AGBL4: variants seen among roughly 807,000 people sequenced by gnomAD.
AGBL4 encodes cytosolic carboxypeptidase 6.
In AGBL4, 58 loss-of-function variants were observed where a neutral mutation model predicts 66.4. The ratio of observed to expected loss-of-function variants is 0.87; its 90% confidence interval spans 0.71 to 1.09. The LOEUF (loss-of-function observed/expected upper bound fraction) is 1.09, where lower values mean the gene tolerates loss of function less well. Among genes scored for constraint, AGBL4 ranks in the 50% least tolerant of loss-of-function variants. The pLI, the probability that AGBL4 is intolerant of heterozygous loss-of-function variation, is 0.00. For missense variants in AGBL4, 579 were observed against 631.0 expected, an observed-to-expected ratio of 0.92 and a Z score of 0.88; for synonymous variants, 234 against 222.9, an observed-to-expected ratio of 1.05 and a Z score of -0.44.
intron 2 of AGBL4, among the ~76,000 whole-genome samples, chr1:49,707,581 T>C (rs146673534): frequency 1.0e-3 from 155 of 152,238 alleles, no homozygotes; most frequent in Non-Finnish European, 1.5e-3. Context: ...ATATGTGATT[T>C]TGATCTTGTC....
At chr1:48,935,142 CT>C (rs1214219035) in intron 5 of AGBL4, among the ~76,000 whole-genome samples, 1 of 152,202 alleles carries the variant, frequency 6.6e-6, no homozygotes, top group Non-Finnish European at 1.5e-5. Flanking sequence ...TTCAAATCCA[CT>C]TTCCACTTAA....
chr1:49,866,913 G>A (rs1373829620), intron 1 of AGBL4, among the ~76,000 whole-genome samples: 1 of 151,940 alleles, frequency 6.6e-6, no homozygotes, highest in African/African-American at 2.4e-5. Context: ...CTTGGCGTGG[G>A]TCTCTGTGTG....
At chr1:49,607,845 T>C (rs1645087300) in intron 3 of AGBL4, among the ~76,000 whole-genome samples, 2 of 152,124 alleles carry the variant, frequency 1.3e-5, no homozygotes, top group Admixed American at 1.3e-4. Context: ...CCTTGGAACT[T>C]TGGGAATGTA....
intron 6 of AGBL4, among the ~76,000 whole-genome samples, chr1:48,728,708 C>T (rs1224281588): frequency 2.0e-5 from 3 of 152,180 alleles, no homozygotes; most frequent in African/African-American, 4.8e-5. Context: ...TCAGCCTAGG[C>T]GTGGACTTGC....
chr1:48,653,293 A>G, intron 8 of AGBL4, 44 bp downstream of exon 8: 1 of 1,435,524 alleles, frequency 7.0e-7, no homozygotes, highest in Non-Finnish European at 9.5e-7. Flanking sequence ...CCATACTACC[A>G]TCCTATAAGT....
At chr1:48,589,226 T>A (rs1424009907) in intron 10 of AGBL4, among the ~76,000 whole-genome samples, 1 of 152,156 alleles carries the variant, frequency 6.6e-6, no homozygotes, top group Non-Finnish European at 1.5e-5. Context: ...TGAATACTCA[T>A]CTTTTCTGGG....
chr1:49,845,966 A>C (rs1646131093), intron 2 of AGBL4: 1 of 1,566,924 alleles, frequency 6.4e-7, no homozygotes, highest in Middle Eastern at 1.7e-4. Context: ...GTCCCTCACC[A>C]AACATCAGCG....
intron 4 of AGBL4, among the ~76,000 whole-genome samples, chr1:49,170,935 A>G (rs1186421210): frequency 6.6e-6 from 1 of 152,182 alleles, no homozygotes; most frequent in African/African-American, 2.4e-5. Flanking sequence ...GCATTCTAAT[A>G]GCACCGAAGC....
Position 48,913,162 on chromosome 1 carries a change from A to G in AGBL4, c.595-45932T>C, listed in dbSNP as rs187149496. ...TGCAAGACCTTGGAAGCCACGTTAA[A>G]AAGAATATGGGAAGTCACCAGAGGG... is the stretch of plus-strand genomic sequence containing the variant. On this transcript the variant is annotated intron_variant, in intron 5 of 13. Coordinates refer to ENST00000371839, the MANE Select transcript of AGBL4 (RefSeq NM_032785.4). Among the ~76,000 whole-genome samples, 27 of 152,356 alleles carry G rather than the reference A, an allele frequency of 1.8e-4. No homozygotes were observed. In the East Asian group the frequency reaches 4.2e-3, roughly 24 times the overall value.
intron 4 of AGBL4, among the ~76,000 whole-genome samples, chr1:49,116,021 A>T (rs772697158): frequency 5.9e-5 from 9 of 152,300 alleles, no homozygotes; most frequent in South Asian, 2.1e-4. Flanking sequence ...ATTAAGAGAA[A>T]TTGGATCCTG....
intron 1 of AGBL4, among the ~76,000 whole-genome samples, chr1:49,882,901 G>A (rs1296264929): frequency 6.6e-6 from 1 of 152,132 alleles, no homozygotes; most frequent in Non-Finnish European, 1.5e-5. Flanking sequence ...GGAGGCTAGT[G>A]GAGAGTCCTA....
intron 4 of AGBL4, among the ~76,000 whole-genome samples, chr1:49,122,402 T>G (rs892548007): frequency 2.6e-5 from 4 of 152,222 alleles, no homozygotes; most frequent in Admixed American, 2.6e-4. Flanking sequence ...TCTTAACAGT[T>G]GATGGCTTCC....
chr1:49,672,824 G>C (rs2124530817), intron 3 of AGBL4, among the ~76,000 whole-genome samples: 1 of 151,254 alleles, frequency 6.6e-6, no homozygotes, highest in African/African-American at 2.4e-5. Context: ...AGGGGGCTGG[G>C]GCATGAAAAT....
At chr1:49,167,411 A>G (rs1178606186) in intron 4 of AGBL4, among the ~76,000 whole-genome samples, 1 of 152,134 alleles carries the variant, frequency 6.6e-6, no homozygotes, top group Non-Finnish European at 1.5e-5. Context: ...AGCCTACCAT[A>G]ATTTCTTGAT....
At chr1:49,404,648 TTTTG>T (rs1645157993) in intron 3 of AGBL4, among the ~76,000 whole-genome samples, 1 of 152,232 alleles carries the variant, frequency 6.6e-6, no homozygotes, top group Admixed American at 6.5e-5. Flanking sequence ...TCTACCACAA[TTTTG>T]TTTGTTTAAT....
chr1:49,177,737 C>A (rs1646858260), intron 4 of AGBL4, among the ~76,000 whole-genome samples: 1 of 152,046 alleles, frequency 6.6e-6, no homozygotes, highest in South Asian at 2.1e-4. Context: ...AAGGGGTAAT[C>A]ATATGGCAGG....
chr1:48,785,695 G>A (rs1327385728), intron 6 of AGBL4, among the ~76,000 whole-genome samples: 1 of 152,118 alleles, frequency 6.6e-6, no homozygotes, highest in East Asian at 1.9e-4. Context: ...ATAGTAGCAG[G>A]AACCTCATTG....
At chr1:49,579,550 A>G (rs1193554552) in intron 3 of AGBL4, among the ~76,000 whole-genome samples, 1 of 152,144 alleles carries the variant, frequency 6.6e-6, no homozygotes, top group African/African-American at 2.4e-5. Flanking sequence ...CCCAGGCCAG[A>G]CTGCAGTGGT....
At chr1:48,852,774 A>T (rs2148811144) in intron 6 of AGBL4, among the ~76,000 whole-genome samples, 1 of 152,342 alleles carries the variant, frequency 6.6e-6, no homozygotes, top group African/African-American at 2.4e-5. Flanking sequence ...AATCTCTGCC[A>T]ATCTCAAAAA....
Sources: gnomAD v4.1 joint callset for allele counts (sites outside exome capture counted in the v4.1 genomes callset) on GRCh38, gnomAD v4.1.1 for gene constraint, MANE v1.5 for transcripts, NCBI Gene and HGNC (gene_info 2026-07-23, HGNC 2026-07-21) for gene names.